Variants in VASH1 observed in about 807,000 individuals in gnomAD.
VASH1 encodes the protein tubulinyl-Tyr carboxypeptidase 1.
VASH1 carries 16 observed loss-of-function variants against 35.0 expected under a neutral mutation model. The ratio of observed to expected loss-of-function variants is 0.46; its 90% CI spans 0.31 to 0.70. The LOEUF is 0.70. VASH1 is among the 30% of genes least tolerant of loss of function. The probability of loss-of-function intolerance (pLI) is 0.05; values close to 1 mark genes in which losing one functional copy is unlikely to be tolerated. For missense variants in VASH1, 505 were observed against 510.7 expected (o/e 0.99, Z 0.11); for synonymous variants, 214 against 200.9 (o/e 1.07, Z -0.55).
In VASH1 at chr14:76,769,988, T is replaced by C; in HGVS notation, c.335T>C (p.Phe112Ser). ...ATCCCCATACCGAGTGTGCCTACGT[T>C]CCAGCCGTCTACACCTGTCCCTGAG... ...PKIPIPSVPTFQPSTPVPERL... is the reference protein window; with the variant it reads ...PKIPIPSVPTSQPSTPVPERL... The change falls in exon 2 of 7, where the codon TTC (phenylalanine) becomes TCC (serine). Residue 112 changes from phenylalanine to serine, a missense_variant. Coordinates refer to ENST00000167106, the MANE Select transcript of VASH1 (RefSeq NM_014909.5). 6.2e-7 allele frequency: 1 copy of C among 1,613,796 alleles called. No individual in the cohort carries two copies. The highest frequency in any genetic ancestry group is 8.5e-7 in the Non-Finnish European group (1 of 1,179,862).
Position 76,776,292 on chromosome 14 carries a change from C to A in VASH1, c.912+19C>A, listed in dbSNP as rs1893941268. The A allele has an allele frequency of 1.8e-5, 26 of 1,473,312 alleles. No individual in the cohort carries two copies. The highest frequency in any genetic ancestry group is 2.4e-5 in the Non-Finnish European group (26 of 1,093,578). 91.3% of individuals were successfully genotyped at this position (1,473,312 alleles called of 1,614,324 possible). On this transcript the variant is annotated intron_variant, in intron 5 of 6. Coordinates refer to ENST00000167106, the MANE Select transcript of VASH1 (RefSeq NM_014909.5). Reference sequence around the variant, plus strand: ...GCTCAAGGTCTGCCCGCCTTCCACGCCCTCGCCCCCTCCCTCGCCCCCTCC... The same window carrying A: ...GCTCAAGGTCTGCCCGCCTTCCACGACCTCGCCCCCTCCCTCGCCCCCTCC...
Position 76,770,106 on chromosome 14 carries a change from G to C in VASH1, c.398+55G>C, listed in dbSNP as rs1368392743. The C allele has an allele frequency of 5.2e-6, 8 of 1,540,480 alleles. No individual in the cohort carries two copies. In the East Asian group the frequency reaches 9.0e-5, roughly 17 times the overall value. ...CCTTCTGGCCGGTGTGGTGGGCCTTGTTTCCAGGCAGAGCTGGAGAGGTAT... is the reference window on the plus strand; with the variant it reads ...CCTTCTGGCCGGTGTGGTGGGCCTTCTTTCCAGGCAGAGCTGGAGAGGTAT... On this transcript the variant is annotated intron_variant, in intron 2 of 6. Coordinates refer to ENST00000167106, the MANE Select transcript of VASH1 (RefSeq NM_014909.5).
intron 1 of VASH1, among the ~76,000 whole-genome samples, chr14:76,767,283 T>TAAAA (rs1175775240): frequency 4.0e-5 from 6 of 151,000 alleles, no homozygotes; most frequent in Non-Finnish European, 7.4e-5. Context: ...AATAAATAAA[T>TAAAA]AAAAAGTCAC....
At chr14:76,765,852 G>A (rs565863773) in intron 1 of VASH1, among the ~76,000 whole-genome samples, 27 of 152,120 alleles carry the variant, frequency 1.8e-4, no homozygotes, top group Non-Finnish European at 3.5e-4. Flanking sequence ...TGCCTGCCCC[G>A]TGTATGTTAC....
intron 1 of VASH1, among the ~76,000 whole-genome samples, chr14:76,766,388 A>T (rs1407483095): frequency 6.6e-6 from 1 of 152,202 alleles, no homozygotes; most frequent in East Asian, 1.9e-4. Flanking sequence ...GAGCTCCTGC[A>T]GAATGGGAAT....
Position 76,781,882 on chromosome 14 carries a change from TAGTCACCA to T in VASH1, c.*2865_*2872del, listed in dbSNP as rs1894118084. The T allele has an allele frequency of 6.5e-6, 1 of 152,996 alleles. No individual in the cohort carries two copies. Among genetic ancestry groups the T allele is most frequent in the South Asian group, 2.1e-4 (1 of 4,828 alleles). The allele number at this position is 152,996 out of a possible 1,614,324, so 9.5% of individuals were successfully genotyped here. ...CAGAGAGGCAGGGACTTTGGGGCCT[TAGTCACCA>T]TCCATGGTATCACCTCATCTCACTT... On this transcript the variant is annotated 3_prime_UTR_variant, in exon 7 of 7. Coordinates refer to ENST00000167106, the MANE Select transcript of VASH1 (RefSeq NM_014909.5).
At chr14:76,768,795 C>T (rs1893712500) in intron 1 of VASH1, among the ~76,000 whole-genome samples, 2 of 152,176 alleles carry the variant, frequency 1.3e-5, no homozygotes, top group African/African-American at 4.8e-5. Flanking sequence ...CTCAGCAGTC[C>T]CATCGGGTGG....
At chr14:76,775,815 G>GGCTCCCGGTCCCAGTC in intron 4 of VASH1, 77 bp from the exon 5 acceptor site, 5 of 1,472,570 alleles carry the variant, frequency 3.4e-6, no homozygotes, top group Non-Finnish European at 4.5e-6. Context: ...TGGACCCCGT[G>GGCTCCCGGTCCCAGTC]GCTCCCGGTC....
In VASH1 at chr14:76,762,861, G is replaced by T. The variant is rs374959372; in HGVS notation, c.40G>T (p.Gly14Cys). The T allele has an allele frequency of 2.6e-5, 39 of 1,527,010 alleles. No individual in the cohort carries two copies. Among genetic ancestry groups the T allele is most frequent in the Non-Finnish European group, 3.3e-5 (37 of 1,136,538 alleles). 94.6% of individuals were successfully genotyped at this position (1,527,010 alleles called of 1,614,324 possible). A position where few individuals can be genotyped will look rare whatever the true frequency, so the allele number is the denominator to read the frequency against. Reference protein sequence around the residue: ...GKKVAGGGSSGATPTSAAATA... With the variant: ...GKKVAGGGSSCATPTSAAATA... ...GAAGGTGGCTGGGGGTGGCAGCAGC[G>T]GTGCCACTCCAACGTCCGCTGCGGC... is the stretch of plus-strand genomic sequence containing the variant. Residue 14 changes from glycine (G) to cysteine (C), a missense_variant, in exon 1 of 7, where the codon GGT becomes TGT. Transcript: ENST00000167106.
rs1173832958 is a variant in VASH1 at position 76,762,865 on chromosome 14, C to T, written c.44C>T (p.Ala15Val). The T allele has an allele frequency of 1.3e-6, 2 of 1,533,774 alleles. No individual in the cohort carries two copies. Among genetic ancestry groups the T allele is most frequent in the Admixed American group, 4.1e-5 (2 of 49,136 alleles). Residue 15 changes from alanine to valine, a missense_variant, in exon 1 of 7, where the codon GCC (alanine) becomes GTC (valine). By Grantham distance (64) the Ala-to-Val change is moderately conservative (BLOSUM62 0). Transcript: ENST00000167106. ...GTGGCTGGGGGTGGCAGCAGCGGTG[C>T]CACTCCAACGTCCGCTGCGGCCACC... ...KKVAGGGSSG[A>V]TPTSAAATAP...
chr14:76,782,164 T>C lies in VASH1; in HGVS notation c.*3146T>C, dbSNP rs1478631510. The C allele has an allele frequency of 3.3e-5, 5 of 152,282 alleles. No individual in the cohort carries two copies. The highest frequency in any genetic ancestry group is 2.0e-4 in the Admixed American group (3 of 15,288). 9.4% of individuals were successfully genotyped at this position (152,282 alleles called of 1,614,324 possible). ...CCAGGTATAGAGAGCCTTCCTGTCA[T>C]AACTGCCAGTCCTCTTCCTCCAAGG... On this transcript the variant is annotated 3_prime_UTR_variant, in exon 7 of 7. Coordinates refer to ENST00000167106, the MANE Select transcript of VASH1 (RefSeq NM_014909.5).
At chr14:76,773,373 AC>A (rs1566685119) in intron 4 of VASH1, 162 bp downstream of exon 4, 6 of 676,796 alleles carry the variant, frequency 8.9e-6, no homozygotes, top group African/African-American at 5.5e-5. Flanking sequence ...AAGTGGAAGA[AC>A]CCCCCAAAAT....
At chr14:76,776,785 C>T (rs1197710697) in intron 5 of VASH1, among the ~76,000 whole-genome samples, 2 of 152,100 alleles carry the variant, frequency 1.3e-5, no homozygotes, top group African/African-American at 2.4e-5. Context: ...AGCTGTTGAG[C>T]CCTAGAGCCT....
intron 2 of VASH1, among the ~76,000 whole-genome samples, chr14:76,770,466 A>G (rs945607644): frequency 1.3e-5 from 2 of 152,234 alleles, no homozygotes; most frequent in African/African-American, 4.8e-5. Context: ...GAAAAATGGC[A>G]GAGAAAAAGG....
At position 76,782,518 on chromosome 14, in the gene VASH1, T is replaced by C. The variant is rs1213728189; in HGVS notation, c.*3500T>C. On this transcript the variant is annotated 3_prime_UTR_variant, in exon 7 of 7. Coordinates refer to ENST00000167106, the MANE Select transcript of VASH1 (RefSeq NM_014909.5). ...GCTGCAGCAACATCTGTGAGCCCAG[T>C]GTCTGCCCTGTGTCCCTGGGCTCGC... 2 of 152,270 alleles carry C rather than the reference T, an allele frequency of 1.3e-5. No individual in the cohort carries two copies. Among genetic ancestry groups the C allele is most frequent in the East Asian group, 3.8e-4 (2 of 5,196 alleles). The allele number at this position is 152,270 out of a possible 1,614,324, so 9.4% of individuals were successfully genotyped here.
chr14:76,773,036 T>C (rs1475624173), intron 3 of VASH1, 101 bp from the exon 4 acceptor site: 3 of 1,165,952 alleles, frequency 2.6e-6, no homozygotes, highest in Admixed American at 4.2e-5. Flanking sequence ...GGGCAGCCTC[T>C]GTCCTTCTAG....
chr14:76,771,854 G>C (rs2242620), intron 3 of VASH1, among the ~76,000 whole-genome samples: 6 of 152,100 alleles, frequency 3.9e-5, no homozygotes, highest in Admixed American at 6.5e-5. Context: ...ATGAAGCCCC[G>C]AGGGCAGAGG....
At position 76,762,459 on chromosome 14, in the gene VASH1, C is replaced by T; in HGVS notation, c.-363C>T. 5.6e-6 allele frequency: 1 copy of T among 178,054 alleles called. No homozygotes were observed. Among genetic ancestry groups the T allele is most frequent in the Non-Finnish European group, 1.2e-5 (1 of 85,880 alleles). 11.0% of individuals were successfully genotyped at this position (178,054 alleles called of 1,614,324 possible). The stretch of plus-strand genomic sequence containing the variant: ...CAGCCGCTGGTCCGAGCTGTCTGGC[C>T]TCAGTTTCCCTCCGACTTTTCTCCG... On this transcript the variant is annotated 5_prime_UTR_variant, in exon 1 of 7. Transcript: ENST00000167106.
rs867867533 is a variant in VASH1 at position 76,782,559 on chromosome 14, A to T, written c.*3541A>T. The T allele has an allele frequency of 6.6e-6, 1 of 152,242 alleles. No homozygotes were observed. The highest frequency in any genetic ancestry group is 1.5e-5 in the Non-Finnish European group (1 of 68,054). The allele number at this position is 152,242 out of a possible 1,614,324, so 9.4% of individuals were successfully genotyped here. A position where few individuals can be genotyped will look rare whatever the true frequency, so the allele number is the denominator to read the frequency against. On this transcript the variant is annotated 3_prime_UTR_variant, in exon 7 of 7. Transcript: ENST00000167106. ...CTGGGCTCGCTCCAAGTGCAGGAAC[A>T]TACATGCAGGGCCCAACATGATGAT...
Sources: allele counts gnomAD v4.1 joint callset (sites outside exome capture counted in the v4.1 genomes callset), GRCh38; gene constraint gnomAD v4.1.1; transcripts MANE v1.5; gene names NCBI Gene and HGNC (gene_info 2026-07-23, HGNC 2026-07-21).